Variants in RBAK observed in about 807,000 individuals in gnomAD.
RBAK encodes RB-associated KRAB zinc finger protein.
A neutral mutation model predicts 65.8 loss-of-function variants in RBAK; 39 were observed. That is an observed-to-expected ratio of 0.59 (90% CI 0.46 to 0.77). The LOEUF (loss-of-function observed/expected upper bound fraction) is 0.77. Ranked by LOEUF, RBAK falls within the 30% of genes least tolerant of loss-of-function variation. RBAK has a pLI of 0.00. For missense variants in RBAK, 884 were observed against 855.1 expected, an observed-to-expected ratio of 1.03 and a Z score of -0.42; for synonymous variants, 343 against 289.7, an observed-to-expected ratio of 1.18 and a Z score of -1.87.
intron 1 of RBAK, among the ~76,000 whole-genome samples, chr7:5,047,579 G>C (rs1007293081): frequency 6.8e-6 from 1 of 147,176 alleles, no homozygotes; most frequent in Non-Finnish European, 1.5e-5. Context: ...TGCATGCTTC[G>C]CCTATCACTC....
intron 1 of RBAK, among the ~76,000 whole-genome samples, chr7:5,047,118 G>T (rs1405706081): frequency 6.6e-6 from 1 of 152,154 alleles, no homozygotes; most frequent in East Asian, 1.9e-4. Context: ...GAAAATGCGG[G>T]CCGGATGCAG....
chr7:5,057,483 G>A, intron 3 of RBAK, 62 bp downstream of exon 3: 1 of 1,613,590 alleles, frequency 6.2e-7, no homozygotes, highest in East Asian at 2.2e-5. Flanking sequence ...TGAGTTTGAA[G>A]AAATAAGTGA....
rs1156859052 is a variant in RBAK at position 5,057,282 on chromosome 7, G to A, written c.16-13G>A. The A allele has an allele frequency of 1.9e-6, 3 of 1,613,866 alleles. No homozygotes were observed. Among genetic ancestry groups the A allele is most frequent in the Non-Finnish European group, 1.7e-6 (2 of 1,179,972 alleles). ...TTCCGTATCTCCCAATTCTGATCATGTTGCCATTACAGGGGCCAGTGTCAT... is the reference window on the plus strand; with the variant it reads ...TTCCGTATCTCCCAATTCTGATCATATTGCCATTACAGGGGCCAGTGTCAT... On this transcript the variant is annotated splice_polypyrimidine_tract_variant and intron_variant, in intron 2 of 4. Coordinates refer to ENST00000396912, the MANE Select transcript of RBAK (RefSeq NM_021163.4).
At position 5,064,613 on chromosome 7, in the gene RBAK, C is replaced by G; in HGVS notation, c.1157C>G (p.Ser386Cys). ...NECGKSFSRKSALSDHQRTHT... is the reference protein window; with the variant it reads ...NECGKSFSRKCALSDHQRTHT... ...TGTGGGAAATCCTTCTCCCGCAAGTCTGCTCTCAGTGACCATCAGAGAACT... is the reference window on the plus strand; with the variant it reads ...TGTGGGAAATCCTTCTCCCGCAAGTGTGCTCTCAGTGACCATCAGAGAACT... Residue 386 changes from serine to cysteine, a missense_variant, in exon 5 of 5, where the codon TCT becomes TGT. Transcript: ENST00000396912. The surrounding 1 kb of genome is among the most constrained non-coding windows in gnomAD (Gnocchi z 6.3). 1 of 1,613,876 alleles carries G rather than the reference C, an allele frequency of 6.2e-7. No homozygotes were observed. The highest frequency in any genetic ancestry group is 8.5e-7 in the Non-Finnish European group (1 of 1,179,834).
Position 5,046,308 on chromosome 7 carries a change from G to C in RBAK, c.-133G>C, listed in dbSNP as rs1284788843. The stretch of plus-strand genomic sequence containing the variant: ...CAACCTTAGTGAGGTGGACAGGAGG[G>C]GACCTCGCGAGCAGACGCGCGCCAG... On this transcript the variant is annotated 5_prime_UTR_variant, in exon 1 of 5. Transcript: ENST00000396912. The C allele has an allele frequency of 1.9e-6, 1 of 516,430 alleles. No homozygotes were observed. The highest frequency in any genetic ancestry group is 5.5e-5 in the East Asian group (1 of 18,316). 32.0% of individuals were successfully genotyped at this position (516,430 alleles called of 1,614,324 possible).
chr7:5,064,747 T>C lies in RBAK; in HGVS notation c.1291T>C (p.Cys431Arg). 6.2e-7 allele frequency: 1 copy of C among 1,614,102 alleles called. No individual in the cohort carries two copies. The change falls in exon 5 of 5, where the codon TGT becomes CGT. Residue 431 changes from cysteine to arginine, a missense_variant. Cys to Arg is a radical substitution (Grantham distance 180). Coordinates refer to ENST00000396912, the MANE Select transcript of RBAK (RefSeq NM_021163.4). The surrounding 1 kb of genome is among the most constrained non-coding windows in gnomAD (Gnocchi z 6.3). Reference sequence around the variant, plus strand: ...ACACACGGGAGAGAAGCCCTATCAGTGTAGCGAGTGTGGGAAATTCTTTTC... The same window carrying C: ...ACACACGGGAGAGAAGCCCTATCAGCGTAGCGAGTGTGGGAAATTCTTTTC... ...RTHTGEKPYQ[C>R]SECGKFFSRV...
chr7:5,052,189 T>C (rs1788130935), intron 2 of RBAK, among the ~76,000 whole-genome samples: 1 of 152,232 alleles, frequency 6.6e-6, no homozygotes, highest in Admixed American at 6.5e-5. Flanking sequence ...TTTTGAGTAA[T>C]GCATGCATGG....
chr7:5,065,178 A>C lies in RBAK; in HGVS notation c.1722A>C (p.Lys574Asn). 6.2e-7 allele frequency: 1 copy of C among 1,613,764 alleles called. No homozygotes were observed. The highest frequency in any genetic ancestry group is 8.5e-7 in the Non-Finnish European group (1 of 1,179,892). Residue 574 changes from lysine to asparagine, a missense_variant, in exon 5 of 5, where the codon AAA becomes AAC. Physicochemically the swap from Lys to Asn is moderately conservative, Grantham distance 94 (BLOSUM62 0). Coordinates refer to ENST00000396912, the MANE Select transcript of RBAK (RefSeq NM_021163.4). This position sits in a 1 kb window ranked among gnomAD's most constrained non-coding sequence, Gnocchi z 5.3. Reference protein sequence around the residue: ...EKPYGCSECGKTFSHNSSLFR... With the variant: ...EKPYGCSECGNTFSHNSSLFR... Reference sequence around the variant, plus strand: ...CTTATGGATGTAGCGAATGTGGGAAAACCTTTTCCCATAATTCATCCCTCT... The same window carrying C: ...CTTATGGATGTAGCGAATGTGGGAACACCTTTTCCCATAATTCATCCCTCT...
At chr7:5,049,041 A>G (rs530974978) in intron 2 of RBAK, among the ~76,000 whole-genome samples, 4 of 152,326 alleles carry the variant, frequency 2.6e-5, no homozygotes, top group South Asian at 4.1e-4. Flanking sequence ...AAGCGAAACC[A>G]TATCACCATC....
At chr7:5,049,769 G>A (rs1369127431) in intron 2 of RBAK, among the ~76,000 whole-genome samples, 2 of 151,988 alleles carry the variant, frequency 1.3e-5, no homozygotes, top group Non-Finnish European at 2.9e-5. Context: ...TGTCACCCAG[G>A]CTGGAGTGTA....
chr7:5,062,310 C>T (rs1456099760), intron 4 of RBAK, among the ~76,000 whole-genome samples: 1 of 152,086 alleles, frequency 6.6e-6, no homozygotes, highest in African/African-American at 2.4e-5. Flanking sequence ...GAACAGAGTA[C>T]AGAAGAGAGA....
rs113859584 is a variant in RBAK, at chr7:5,063,773, A to G, written c.317A>G (p.Asn106Ser). The G allele has an allele frequency of 1.0e-4, 165 of 1,613,976 alleles. 2 individuals carry two copies. The African/African-American group carries it at 1.9e-3, about 18-fold the overall frequency. The change falls in exon 5 of 5, where the codon AAT becomes AGT. Residue 106 changes from asparagine (N) to serine (S), a missense_variant. Transcript: ENST00000396912. ...CATTCAAGGCAAGCTGCTTGTATCA[A>G]TAGCAAAACCCTGACTGAAGAGAAA... ...DKHSRQAACI[N>S]SKTLTEEKEN... is the part of the protein sequence containing the mutation.
At chr7:5,057,463 G>A in intron 3 of RBAK, 42 bp downstream of exon 3, 1 of 1,614,044 alleles carries the variant, frequency 6.2e-7, no homozygotes, top group Non-Finnish European at 8.5e-7. Context: ...GTTGAATGGG[G>A]TTTTATCCTT....
intron 4 of RBAK, among the ~76,000 whole-genome samples, chr7:5,059,341 A>T (rs1020343750): frequency 2.6e-5 from 4 of 151,250 alleles, no homozygotes; most frequent in African/African-American, 9.7e-5. Context: ...CCATTTTGAG[A>T]CAGAGTCTCA....
intron 4 of RBAK, among the ~76,000 whole-genome samples, chr7:5,059,420 A>T (rs1779014012): frequency 6.6e-6 from 1 of 151,956 alleles, no homozygotes; most frequent in East Asian, 1.9e-4. Flanking sequence ...TCCCAGGTTC[A>T]AGCGATTCCC....
rs201820193 is a variant in RBAK, at chr7:5,064,399, A to G, written c.943A>G (p.Lys315Glu). The G allele has an allele frequency of 1.2e-6, 2 of 1,614,082 alleles. No homozygotes were observed. Among genetic ancestry groups the G allele is most frequent in the Admixed American group, 3.3e-5 (2 of 60,014 alleles). The change falls in exon 5 of 5, where the codon AAG (lysine) becomes GAG (glutamate). Residue 315 changes from lysine to glutamate, a missense_variant. Transcript: ENST00000396912. The surrounding 1 kb of genome is among the most constrained non-coding windows in gnomAD (Gnocchi z 6.3). The part of the protein sequence containing the change: ...TVHRRSHLEE[K>E]PYKCNECGKT... Reference sequence around the variant, plus strand: ...ACATCGGAGATCACACTTAGAGGAGAAGCCCTATAAATGTAATGAATGTGG... The same window carrying G: ...ACATCGGAGATCACACTTAGAGGAGGAGCCCTATAAATGTAATGAATGTGG...
chr7:5,050,935 C>T (rs1211632500), intron 2 of RBAK, among the ~76,000 whole-genome samples: 1 of 152,168 alleles, frequency 6.6e-6, no homozygotes, highest in African/African-American at 2.4e-5. Context: ...GCAGGAAAGA[C>T]AGTTTCTAAA....
chr7:5,048,574 T>C lies in RBAK; in HGVS notation c.15+483T>C, dbSNP rs1405520725. 6.6e-6 allele frequency among the ~76,000 whole-genome samples: 1 copy of C among 152,246 alleles called. No individual in the cohort carries two copies. Among genetic ancestry groups the C allele is most frequent in the Non-Finnish European group, 1.5e-5 (1 of 68,040 alleles). ...CCAAAAATGATTTGTGAAGCTTGTA[T>C]GTGTGGATAGTAGATTTTAAGGCTG... On this transcript the variant is annotated intron_variant, in intron 2 of 4. Coordinates refer to ENST00000396912, the MANE Select transcript of RBAK (RefSeq NM_021163.4). This position sits in a 1 kb window ranked among gnomAD's most constrained non-coding sequence, Gnocchi z 4.4.
Position 5,064,523 on chromosome 7 carries a change from A to G in RBAK, c.1067A>G (p.Gln356Arg). The G allele has an allele frequency of 6.2e-7, 1 of 1,613,908 alleles. No homozygotes were observed. Among genetic ancestry groups the G allele is most frequent in the Non-Finnish European group, 8.5e-7 (1 of 1,179,920 alleles). ...AGCGAATGTGGGAAAACCTTCTGCC[A>G]AAAGACACATCTCACCCTGCACCAG... ...ECSECGKTFC[Q>R]KTHLTLHQRN... The change falls in exon 5 of 5, where the codon CAA becomes CGA. Residue 356 changes from glutamine (Q) to arginine (R), a missense_variant. Gln to Arg is a conservative substitution (Grantham distance 43, BLOSUM62 1). Coordinates refer to ENST00000396912, the MANE Select transcript of RBAK (RefSeq NM_021163.4). This position sits in a 1 kb window ranked among gnomAD's most constrained non-coding sequence, Gnocchi z 6.3.
Sources: gnomAD v4.1 joint callset for allele counts (sites outside exome capture counted in the v4.1 genomes callset) on GRCh38, gnomAD v4.1.1 for gene constraint, Gnocchi (gnomAD v3.1) non-coding constraint, MANE v1.5 for transcripts, NCBI Gene and HGNC (gene_info 2026-07-23, HGNC 2026-07-21) for gene names.